The following SORCS2 variants were observed in gnomAD, a reference collection of about 807,000 sequenced individuals.
SORCS2 encodes the protein sortilin related VPS10 domain containing receptor 2.
A neutral mutation model predicts 141.6 loss-of-function variants in SORCS2; 100 were observed. The observed-to-expected ratio is 0.71, with a 90% CI of 0.60 to 0.83. The LOEUF is 0.83. Ranked by LOEUF, SORCS2 falls within the 40% of genes least tolerant of loss-of-function variation. SORCS2 has a pLI of 0.00. For missense variants in SORCS2, 1,646 were observed against 1,560.2 expected (o/e 1.05, Z -0.93); for synonymous variants, 789 against 676.9 (o/e 1.17, Z -2.57).
chr4:7,624,488 A>G (rs138024910), intron 3 of SORCS2, among the ~76,000 whole-genome samples: 203 of 152,350 alleles, frequency 1.3e-3, no homozygotes, highest in African/African-American at 4.7e-3. Context: ...CCACAATACT[A>G]TCTTGGCTTC....
chr4:7,288,062 C>A (rs556300904), intron 1 of SORCS2, among the ~76,000 whole-genome samples: 13 of 152,286 alleles, frequency 8.5e-5, no homozygotes, highest in Admixed American at 7.8e-4. Context: ...TCATGCCATG[C>A]GGCCTCCTCC....
chr4:7,355,258 C>T (rs532996228), intron 1 of SORCS2, among the ~76,000 whole-genome samples: 2 of 152,226 alleles, frequency 1.3e-5, no homozygotes, highest in South Asian at 2.1e-4. Context: ...TGATTTTAGC[C>T]TAACCCCTCT....
chr4:7,221,696 G>A (rs187253721), intron 1 of SORCS2, among the ~76,000 whole-genome samples: 1 of 152,362 alleles, frequency 6.6e-6, no homozygotes, highest in Admixed American at 6.5e-5. Context: ...GGGATGGGAG[G>A]CAAAAGCCAA....
chr4:7,476,920 C>G (rs57145354), intron 2 of SORCS2, among the ~76,000 whole-genome samples: 5,046 of 152,326 alleles, frequency 0.033, 252 homozygotes, highest in African/African-American at 0.11. Context: ...GCTATGTGGT[C>G]TAAGAAACTC....
chr4:7,634,104 G>A (rs549996670), intron 3 of SORCS2, among the ~76,000 whole-genome samples: 3 of 61,238 alleles, frequency 4.9e-5, no homozygotes, highest in Admixed American at 2.1e-4. Flanking sequence ...GCCGGGCACC[G>A]TGGCTCATGC....
chr4:7,741,062 A>G lies in SORCS2; in HGVS notation c.*798A>G, dbSNP rs1373544905. ...TGGTTCCTCACTCCTACCAGCAAGC[A>G]GCACCATCCCGCAGGCTTCTCCCAC... On this transcript the variant is annotated 3_prime_UTR_variant, in exon 27 of 27. Transcript: ENST00000507866. 1 of 398,772 alleles carries G rather than the reference A, an allele frequency of 2.5e-6. No homozygotes were observed. Among genetic ancestry groups the G allele is most frequent in the Non-Finnish European group, 4.4e-6 (1 of 226,310 alleles). The allele number at this position is 398,772 out of a possible 1,614,324, so 24.7% of individuals were successfully genotyped here. A position where few individuals can be genotyped will look rare whatever the true frequency, so the allele number is the denominator to read the frequency against.
chr4:7,328,072 C>A (rs1719401249), intron 1 of SORCS2, among the ~76,000 whole-genome samples: 1 of 135,170 alleles, frequency 7.4e-6, no homozygotes, highest in African/African-American at 2.8e-5. Flanking sequence ...ATCACCCAGG[C>A]TGGAGTGAAG....
rs10008806 is a variant in SORCS2 at position 7,213,502 on chromosome 4, G to T, written c.480+20376G>T. On this transcript the variant is annotated intron_variant, in intron 1 of 26. Coordinates refer to ENST00000507866, the MANE Select transcript of SORCS2 (RefSeq NM_020777.3). Reference sequence around the variant, plus strand: ...GGTTGTCGTAGCCTTGGAGGCGGAGGTGCTCTGTGGCCACACTCATTCAGT... The same window carrying T: ...GGTTGTCGTAGCCTTGGAGGCGGAGTTGCTCTGTGGCCACACTCATTCAGT... 2.5e-3 allele frequency among the ~76,000 whole-genome samples: 384 copies of T among 152,316 alleles called. 3 individuals are homozygous for T. The highest frequency in any genetic ancestry group is 9.0e-3 in the African/African-American group (375 of 41,580).
chr4:7,567,470 T>C (rs1345112312), intron 3 of SORCS2, among the ~76,000 whole-genome samples: 1 of 151,946 alleles, frequency 6.6e-6, no homozygotes, highest in Non-Finnish European at 1.5e-5. Context: ...CTGTTGGAAT[T>C]TGTATAGTGT....
At chr4:7,345,620 C>T (rs192599939) in intron 1 of SORCS2, among the ~76,000 whole-genome samples, 8 of 152,304 alleles carry the variant, frequency 5.3e-5, no homozygotes, top group Admixed American at 2.0e-4. Context: ...TCCAAACCTC[C>T]GTTTCCCATC....
At chr4:7,273,343 A>G (rs57709774) in intron 1 of SORCS2, among the ~76,000 whole-genome samples, 14,638 of 152,030 alleles carry the variant, frequency 0.096, 884 homozygotes, top group East Asian at 0.2. Context: ...AAGCACCTCA[A>G]TCCTTGTCTC....
At chr4:7,700,819 C>T (rs1725020129) in intron 12 of SORCS2, among the ~76,000 whole-genome samples, 2 of 152,238 alleles carry the variant, frequency 1.3e-5, no homozygotes, top group Non-Finnish European at 2.9e-5. Context: ...GACCCCACCA[C>T]CCACAAGAGT....
At chr4:7,503,129 A>G (rs1577667551) in intron 2 of SORCS2, among the ~76,000 whole-genome samples, 1 of 152,294 alleles carries the variant, frequency 6.6e-6, no homozygotes, top group Non-Finnish European at 1.5e-5. Context: ...GGCCTAAAAT[A>G]TATCCATCTG....
chr4:7,437,141 C>A (rs1286988821), intron 2 of SORCS2, among the ~76,000 whole-genome samples: 1 of 152,134 alleles, frequency 6.6e-6, no homozygotes, highest in Admixed American at 6.5e-5. Flanking sequence ...AAGGGCTCAG[C>A]CCCCACTGTA....
intron 1 of SORCS2, among the ~76,000 whole-genome samples, chr4:7,377,306 G>A (rs4689713): frequency 0.64 from 96,514 of 151,544 alleles, 31,547 homozygotes; most frequent in East Asian, 0.94. Flanking sequence ...ATACAGCTTC[G>A]AATGTTGACA....
At chr4:7,713,124 G>A (rs568529977) in intron 15 of SORCS2, among the ~76,000 whole-genome samples, 1 of 152,218 alleles carries the variant, frequency 6.6e-6, no homozygotes, top group South Asian at 2.1e-4. Context: ...CCAGCCCATG[G>A]AGTCCAGTAT....
At chr4:7,540,068 C>T (rs1712477504) in intron 3 of SORCS2, among the ~76,000 whole-genome samples, 2 of 147,234 alleles carry the variant, frequency 1.4e-5, no homozygotes, top group South Asian at 4.5e-4. Context: ...CGTGGAGGCC[C>T]CGCCCCTCCT....
chr4:7,508,702 G>A (rs1370220207), intron 2 of SORCS2, among the ~76,000 whole-genome samples: 2 of 152,016 alleles, frequency 1.3e-5, no homozygotes, highest in African/African-American at 2.4e-5. Context: ...CAGTGCATGC[G>A]TTTGATTATA....
Position 7,682,808 on chromosome 4 carries a change from A to G in SORCS2, c.1407A>G (p.Ile469Met). ...TTGATGGGAAAGTGATGACGCTTATAACCTACAACAAGGGCCGCGACTGGG... is the reference window on the plus strand; with the variant it reads ...TTGATGGGAAAGTGATGACGCTTATGACCTACAACAAGGGCCGCGACTGGG... Reference protein sequence around the residue: ...QKIDGKVMTLITYNKGRDWDY... With the variant: ...QKIDGKVMTLMTYNKGRDWDY... The change falls in exon 10 of 27, where the codon ATA (isoleucine) becomes ATG (methionine). Residue 469 changes from isoleucine to methionine, a missense_variant. Coordinates refer to ENST00000507866, the MANE Select transcript of SORCS2 (RefSeq NM_020777.3). 5 of 1,612,986 alleles carry G rather than the reference A, an allele frequency of 3.1e-6. No homozygotes were observed. Among genetic ancestry groups the G allele is most frequent in the Non-Finnish European group, 4.2e-6 (5 of 1,179,454 alleles).
Sources: allele counts gnomAD v4.1 joint callset (sites outside exome capture counted in the v4.1 genomes callset), GRCh38; gene constraint gnomAD v4.1.1; transcripts MANE v1.5; gene names NCBI Gene and HGNC (gene_info 2026-07-23, HGNC 2026-07-21).